PLXNA4: variants seen among roughly 807,000 people sequenced by gnomAD.
The protein encoded by PLXNA4 is plexin A4, also known as plexin-A4.
PLXNA4 carries 44 observed loss-of-function variants against 191.8 expected under a neutral mutation model. The ratio of observed to expected loss-of-function variants is 0.23; its 90% CI spans 0.18 to 0.29. The LOEUF is 0.29. PLXNA4 is among the 10% of genes least tolerant of loss of function. The pLI is 1.00. For synonymous variants in PLXNA4, 1,082 were observed against 1,009.5 expected, an observed-to-expected ratio of 1.07 and a Z score of -1.36; for missense variants, 1,800 against 2,488.8, an observed-to-expected ratio of 0.72 and a Z score of 5.89.
At chr7:132,521,756 G>A (rs1799196558) in intron 1 of PLXNA4, among the ~76,000 whole-genome samples, 1 of 152,120 alleles carries the variant, frequency 6.6e-6, no homozygotes, top group African/African-American at 2.4e-5. Context: ...CATCCTCTCA[G>A]GTGCCCATGA....
At chr7:132,278,347 C>G (rs534128791) in intron 4 of PLXNA4, among the ~76,000 whole-genome samples, 71 of 152,296 alleles carry the variant, frequency 4.7e-4, no homozygotes, top group Non-Finnish European at 7.8e-4. Flanking sequence ...GAGTCTGAGA[C>G]TGGGAGGCAG....
intron 4 of PLXNA4, among the ~76,000 whole-genome samples, chr7:132,261,450 C>T (rs1350441712): frequency 6.6e-6 from 1 of 152,194 alleles, no homozygotes; most frequent in Non-Finnish European, 1.5e-5. Context: ...GTGCCCAGGC[C>T]CATCTGTGCG....
chr7:132,295,654 G>A (rs1270312993), intron 4 of PLXNA4, among the ~76,000 whole-genome samples: 1 of 152,066 alleles, frequency 6.6e-6, no homozygotes, highest in African/African-American at 2.4e-5. Context: ...GCTCTCCCCC[G>A]GGACTGGATT....
At chr7:132,445,238 T>G (rs897212629) in intron 3 of PLXNA4, among the ~76,000 whole-genome samples, 2 of 150,494 alleles carry the variant, frequency 1.3e-5, no homozygotes, top group African/African-American at 4.9e-5. Context: ...CTTCCATGTG[T>G]AGGTTAATAT....
At chr7:132,179,649 C>T in intron 20 of PLXNA4, 38 bp downstream of exon 20, 3 of 1,599,594 alleles carry the variant, frequency 1.9e-6, no homozygotes, top group Non-Finnish European at 1.7e-6. Context: ...TGCACACACG[C>T]ACACACACAT....
chr7:132,353,033 C>T (rs1379526799), intron 3 of PLXNA4, among the ~76,000 whole-genome samples: 12 of 152,142 alleles, frequency 7.9e-5, no homozygotes, highest in South Asian at 4.1e-4. Context: ...TATATGTGAA[C>T]GTCGCCTGCT....
At chr7:132,226,741 C>T (rs1185686087) in intron 7 of PLXNA4, among the ~76,000 whole-genome samples, 3 of 152,330 alleles carry the variant, frequency 2.0e-5, no homozygotes, top group South Asian at 2.1e-4. Context: ...TCCACCGGGG[C>T]GGGAGACCCT....
At position 132,611,287 on chromosome 7, in the gene PLXNA4, G is replaced by A. The variant is rs533009759; in HGVS notation, c.-87+34641C>T. Reference sequence around the variant, plus strand: ...AAGATCAGAAGTGAGAAACTGCAAAGTTGCATTACTTATCTTTCCCTAAAG... The same window carrying A: ...AAGATCAGAAGTGAGAAACTGCAAAATTGCATTACTTATCTTTCCCTAAAG... On this transcript the variant is annotated intron_variant, in intron 2 of 4. Transcript: ENST00000378539. Among the ~76,000 whole-genome samples, 8 of 152,306 alleles carry A rather than the reference G, an allele frequency of 5.3e-5. No individual in the cohort carries two copies. The South Asian group carries it at 1.2e-3, about 24-fold the overall frequency.
intron 1 of PLXNA4, among the ~76,000 whole-genome samples, chr7:132,562,956 T>C (rs868450184): frequency 0.03 from 343 of 11,542 alleles, 1 homozygote; most frequent in South Asian, 0.045. Context: ...CCTCCTCCTC[T>C]CCCTCCTCCT....
At chr7:132,548,634 T>C (rs1800413256) in intron 1 of PLXNA4, among the ~76,000 whole-genome samples, 1 of 152,214 alleles carries the variant, frequency 6.6e-6, no homozygotes, top group Non-Finnish European at 1.5e-5. Context: ...CCTTAATCTG[T>C]TATTTCCTAG....
At chr7:132,345,068 T>C (rs1483388581) in intron 3 of PLXNA4, among the ~76,000 whole-genome samples, 4 of 152,220 alleles carry the variant, frequency 2.6e-5, no homozygotes, top group African/African-American at 9.6e-5. Flanking sequence ...TACATACATT[T>C]TAGATCATAG....
In PLXNA4 at chr7:132,191,195, G is replaced by A. The variant is rs541719812; in HGVS notation, c.2856+2867C>T. On this transcript the variant is annotated intron_variant, in intron 14 of 31. Coordinates refer to ENST00000321063, the MANE Select transcript of PLXNA4 (RefSeq NM_020911.2). Reference sequence around the variant, plus strand: ...GTGGCGGCTGACATGATGGTAGATGGATTACAACAGGTTCAGAGAGAAAAG... The same window carrying A: ...GTGGCGGCTGACATGATGGTAGATGAATTACAACAGGTTCAGAGAGAAAAG... 7.9e-5 allele frequency among the ~76,000 whole-genome samples: 12 copies of A among 152,268 alleles called. No homozygotes were observed. The South Asian group carries it at 1.2e-3, about 16-fold the overall frequency.
Position 132,228,330 on chromosome 7 carries a change from C to A in PLXNA4, c.1728+16G>T. The stretch of plus-strand genomic sequence containing the variant: ...CTTGCATCCCTGGACCCCACCCCAA[C>A]CCCCACGACCCTTACCAGCACGTTG... On this transcript the variant is annotated intron_variant, in intron 6 of 31. Transcript: ENST00000321063. 6.2e-7 allele frequency: 1 copy of A among 1,613,712 alleles called. No individual in the cohort carries two copies. Among genetic ancestry groups the A allele is most frequent in the Non-Finnish European group, 8.5e-7 (1 of 1,179,764 alleles).
chr7:132,453,240 A>AG (rs1796192318), intron 3 of PLXNA4, among the ~76,000 whole-genome samples: 1 of 152,190 alleles, frequency 6.6e-6, no homozygotes, highest in African/African-American at 2.4e-5. Context: ...AAGTCAGATC[A>AG]GGCAGGTGGG....
chr7:132,546,048 C>A (rs1028187638), intron 1 of PLXNA4, among the ~76,000 whole-genome samples: 2 of 152,198 alleles, frequency 1.3e-5, no homozygotes, highest in Admixed American at 6.5e-5. Context: ...TAACACCAAC[C>A]CAAATGCTCA....
At chr7:132,370,600 C>A (rs1804396869) in intron 3 of PLXNA4, among the ~76,000 whole-genome samples, 1 of 152,206 alleles carries the variant, frequency 6.6e-6, no homozygotes, top group Non-Finnish European at 1.5e-5. Flanking sequence ...GCGGTGCCAG[C>A]TATCCTGGAC....
At chr7:132,351,701 A>T (rs1396169150) in intron 3 of PLXNA4, among the ~76,000 whole-genome samples, 2 of 152,132 alleles carry the variant, frequency 1.3e-5, no homozygotes, top group Admixed American at 6.5e-5. Context: ...CACATGTAGG[A>T]CCCAGCCAAG....
chr7:132,636,565 G>A (rs1333737415), intron 2 of PLXNA4, among the ~76,000 whole-genome samples: 1 of 152,170 alleles, frequency 6.6e-6, no homozygotes, highest in African/African-American at 2.4e-5. Flanking sequence ...GAGGCAAGTG[G>A]GTTTCAAAGC....
chr7:132,444,597 T>C (rs1217541984), intron 3 of PLXNA4, among the ~76,000 whole-genome samples: 1 of 152,168 alleles, frequency 6.6e-6, no homozygotes, highest in Non-Finnish European at 1.5e-5. Context: ...ATGGCAGGTG[T>C]CATCTAATGA....
Sources: allele counts gnomAD v4.1 joint callset (sites outside exome capture counted in the v4.1 genomes callset), GRCh38; gene constraint gnomAD v4.1.1; transcripts MANE v1.5; gene names NCBI Gene and HGNC (gene_info 2026-07-23, HGNC 2026-07-21).